The following CRHR2 variants were observed in gnomAD, a reference collection of about 807,000 sequenced individuals.
The protein encoded by CRHR2 is corticotropin-releasing hormone receptor 2.
A neutral mutation model predicts 57.9 loss-of-function variants in CRHR2; 53 were observed. That is an observed-to-expected ratio of 0.92 (90% CI 0.73 to 1.15). The LOEUF is 1.15. Among genes scored for constraint, CRHR2 ranks in the 50% most tolerant of loss-of-function variants. The pLI is 0.00. For synonymous variants in CRHR2, 213 were observed against 220.9 expected (o/e 0.96, Z 0.32); for missense variants, 532 against 542.6 (o/e 0.98, Z 0.19).
chr7:30,693,687 C>A (rs866153750), intron 1 of CRHR2, among the ~76,000 whole-genome samples: 1 of 152,200 alleles, frequency 6.6e-6, no homozygotes, highest in East Asian at 1.9e-4. Context: ...CCCTGTCTTG[C>A]GACTGGCATC....
At chr7:30,695,039 A>G (rs977061051) in intron 1 of CRHR2, among the ~76,000 whole-genome samples, 2 of 123,662 alleles carry the variant, frequency 1.6e-5, no homozygotes. Context: ...GGAAGGAAGG[A>G]TACAGGAACG....
At chr7:30,697,817 C>T (rs13239737) in intron 1 of CRHR2, among the ~76,000 whole-genome samples, 1 of 152,318 alleles carries the variant, frequency 6.6e-6, no homozygotes, top group Non-Finnish European at 1.5e-5. Flanking sequence ...TCCAACTCTG[C>T]TATGCTGCCC....
chr7:30,680,149 C>T (rs1227753896), intron 2 of CRHR2, among the ~76,000 whole-genome samples: 1 of 152,162 alleles, frequency 6.6e-6, no homozygotes, highest in East Asian at 1.9e-4. Flanking sequence ...GTCACCCCGC[C>T]CCCACACCCC....
chr7:30,689,402 G>A, intron 1 of CRHR2: 1 of 839,604 alleles, frequency 1.2e-6, no homozygotes, highest in South Asian at 1.6e-5. Context: ...CAGAGAGGGA[G>A]AACAAGGAGG....
At position 30,665,250 on chromosome 7, in the gene CRHR2, T is replaced by A. The variant is rs1238544508; in HGVS notation, c.426-63A>T. ...GGGTCAACTGGGACTGGGTTCCCCC[T>A]GAGGCCAGGTAGAGACTCAGCCTGG... On this transcript the variant is annotated intron_variant, in intron 4 of 11. Transcript: ENST00000471646. This position sits in a 1 kb window ranked among gnomAD's most constrained non-coding sequence, Gnocchi z 4.5. 1.4e-6 allele frequency: 2 copies of A among 1,404,152 alleles called. No individual in the cohort carries two copies. The highest frequency in any genetic ancestry group is 3.4e-5 in the Admixed American group (2 of 58,722). 87.0% of individuals were successfully genotyped at this position (1,404,152 alleles called of 1,614,324 possible).
intron 2 of CRHR2, among the ~76,000 whole-genome samples, chr7:30,671,203 T>G (rs901081749): frequency 1.3e-5 from 2 of 152,160 alleles, no homozygotes; most frequent in African/African-American, 4.8e-5. Flanking sequence ...TATTGGCATC[T>G]CAGGTGGATC....
chr7:30,685,435 A>T (rs1210240534), upstream of CRHR2, among the ~76,000 whole-genome samples: 1 of 152,142 alleles, frequency 6.6e-6, no homozygotes, highest in Non-Finnish European at 1.5e-5. Context: ...CTACATAGAG[A>T]GGGAGTCTAT....
chr7:30,686,588 T>C, upstream of CRHR2: 1 of 1,434,930 alleles, frequency 7.0e-7, no homozygotes, highest in Non-Finnish European at 9.4e-7. Context: ...GTAGGCAGAT[T>C]GCTTGAGCAC....
Position 30,687,860 on chromosome 7 carries a change from C to T in CRHR2, c.-166-1245G>A, listed in dbSNP as rs950837893. ...GGTTGGGCTTTCCTGAAGGGAGGGG[C>T]CTCCATTTCCTGTCTGATGCTGGCA... On this transcript the variant is annotated intron_variant, in intron 2 of 13. Transcript: ENST00000341843. 3.9e-5 allele frequency among the ~76,000 whole-genome samples: 6 copies of T among 152,200 alleles called. No homozygotes were observed. In the East Asian group the frequency reaches 1.2e-3, roughly 29 times the overall value.
At chr7:30,669,877 C>G (rs371889194) in intron 2 of CRHR2, among the ~76,000 whole-genome samples, 5 of 152,062 alleles carry the variant, frequency 3.3e-5, no homozygotes, top group African/African-American at 1.2e-4. Flanking sequence ...TGGCACATAC[C>G]CTCTTTGTGT....
At chr7:30,662,645 G>T in intron 6 of CRHR2, 49 bp downstream of exon 6, 1 of 1,591,040 alleles carries the variant, frequency 6.3e-7, no homozygotes. Context: ...AAATGGCCTG[G>T]TGAGAAGTCC....
At chr7:30,696,668 G>C (rs981554757) in intron 1 of CRHR2, among the ~76,000 whole-genome samples, 3 of 152,134 alleles carry the variant, frequency 2.0e-5, no homozygotes, top group African/African-American at 4.8e-5. Context: ...AGGTTGCAGT[G>C]AGCCGAGATT....
upstream of CRHR2, among the ~76,000 whole-genome samples, chr7:30,686,019 C>T (rs1464612284): frequency 6.6e-6 from 1 of 152,068 alleles, no homozygotes; most frequent in African/African-American, 2.4e-5. Flanking sequence ...TGGGAACCAT[C>T]TTTGGTATTG....
At chr7:30,697,813 T>C (rs255113) in intron 1 of CRHR2, among the ~76,000 whole-genome samples, 85,055 of 152,002 alleles carry the variant, frequency 0.56, 24,959 homozygotes, top group Non-Finnish European at 0.67. Flanking sequence ...CATCTCCAAC[T>C]CTGCTATGCT....
In CRHR2 at chr7:30,656,040, G is replaced by C; in HGVS notation, c.832-28C>G. ...GGAGGGAGGGCGGGCATGGGAAAGA[G>C]GGAAAAGGAAGGAGCACGTGTTTGA... On this transcript the variant is annotated intron_variant, in intron 8 of 11. Transcript: ENST00000471646. The surrounding 1 kb of genome is among the most constrained non-coding windows in gnomAD (Gnocchi z 4.4). 1 of 1,603,516 alleles carries C rather than the reference G, an allele frequency of 6.2e-7. No homozygotes were observed. Among genetic ancestry groups the C allele is most frequent in the Non-Finnish European group, 8.5e-7 (1 of 1,170,536 alleles).
chr7:30,663,421 C>T (rs573859788), intron 5 of CRHR2, among the ~76,000 whole-genome samples: 9 of 152,168 alleles, frequency 5.9e-5, no homozygotes, highest in African/African-American at 1.7e-4. Context: ...GCAAAGTACA[C>T]GGCCCCCGGC....
intron 2 of CRHR2, among the ~76,000 whole-genome samples, chr7:30,668,410 G>A (rs181372750): frequency 6.6e-6 from 1 of 152,004 alleles, no homozygotes; most frequent in Non-Finnish European, 1.5e-5. Context: ...CATTGTTTGG[G>A]GGTGATTTGT....
At chr7:30,677,849 C>T (rs1562804467) in intron 2 of CRHR2, among the ~76,000 whole-genome samples, 1 of 152,210 alleles carries the variant, frequency 6.6e-6, no homozygotes, top group South Asian at 2.1e-4. Flanking sequence ...ACAGGAGGAT[C>T]GCTTGAGTCT....
In CRHR2 at chr7:30,682,371, G is replaced by A; in HGVS notation, c.-91C>T. The A allele has an allele frequency of 7.1e-7, 1 of 1,411,998 alleles. No individual in the cohort carries two copies. The highest frequency in any genetic ancestry group is 1.5e-5 in the African/African-American group (1 of 66,684). 87.5% of individuals were successfully genotyped at this position (1,411,998 alleles called of 1,614,324 possible). A position where few individuals can be genotyped will look rare whatever the true frequency, so the allele number is the denominator to read the frequency against. On this transcript the variant is annotated 5_prime_UTR_variant, in exon 1 of 12. Transcript: ENST00000471646. Reference sequence around the variant, plus strand: ...GACGCGAGAGTGAGCGGCCGAGAGGGCGCGGGGTCCTGGCCCCCGCCAGCC... The same window carrying A: ...GACGCGAGAGTGAGCGGCCGAGAGGACGCGGGGTCCTGGCCCCCGCCAGCC...
Sources: gnomAD v4.1 joint callset for allele counts (sites outside exome capture counted in the v4.1 genomes callset) on GRCh38, gnomAD v4.1.1 for gene constraint, Gnocchi (gnomAD v3.1) non-coding constraint, MANE v1.5 for transcripts, NCBI Gene and HGNC (gene_info 2026-07-23, HGNC 2026-07-21) for gene names.